The following EPB41L3 variants were observed in gnomAD, a reference collection of about 807,000 sequenced individuals.
EPB41L3 encodes band 4.1-like protein 3.
Under a neutral mutation model 127.1 loss-of-function variants are expected in EPB41L3, and 57 were observed. The ratio of observed to expected loss-of-function variants is 0.45; its 90% CI spans 0.36 to 0.56. EPB41L3 has a LOEUF of 0.56. Among genes scored for constraint, EPB41L3 ranks in the 20% least tolerant of loss-of-function variants. EPB41L3 has a pLI of 0.00. For missense variants in EPB41L3, 1,273 were observed against 1,372.2 expected, an observed-to-expected ratio of 0.93 and a Z score of 1.14; for synonymous variants, 572 against 549.5, an observed-to-expected ratio of 1.04 and a Z score of -0.57.
Position 5,479,045 on chromosome 18 carries a change from T to C in EPB41L3, c.184-607A>G, listed in dbSNP as rs78215016. Among the ~76,000 whole-genome samples the C allele has an allele frequency of 6.6e-3, 999 of 152,348 alleles. 11 individuals are homozygous for C. Among genetic ancestry groups the C allele is most frequent in the African/African-American group, 0.022 (917 of 41,574 alleles). ...GCTTCCCTTCACTGTAATGAACCAG[T>C]GTAAGAACATATCAAATCTGTCCAA... On this transcript the variant is annotated intron_variant, in intron 2 of 22. Coordinates refer to ENST00000341928, the MANE Select transcript of EPB41L3 (RefSeq NM_012307.5).
intron 19 of EPB41L3, 78 bp downstream of exon 19, chr18:5,396,123 G>A: frequency 1.3e-6 from 2 of 1,529,852 alleles, no homozygotes; most frequent in South Asian, 2.3e-5. Flanking sequence ...TAAATATCGT[G>A]CAGTTCTATG....
chr18:5,526,751 C>T (rs74364265), intron 1 of EPB41L3, among the ~76,000 whole-genome samples: 3,171 of 152,094 alleles, frequency 0.021, 63 homozygotes, highest in East Asian at 0.094. Context: ...ATGATGTTGC[C>T]AATAGAAAAC....
In EPB41L3 at chr18:5,433,797, C is replaced by T. The variant is rs540078451; in HGVS notation, c.824+106G>A. The T allele has an allele frequency of 2.8e-4, 348 of 1,254,276 alleles. 5 individuals carry two copies. The South Asian group carries it at 4.1e-3, about 15-fold the overall frequency. The allele number at this position is 1,254,276 out of a possible 1,614,324, so 77.7% of individuals were successfully genotyped here. On this transcript the variant is annotated intron_variant, in intron 7 of 22. Coordinates refer to ENST00000341928, the MANE Select transcript of EPB41L3 (RefSeq NM_012307.5). ...TGTGCATGGACCCACACTATGCTCACGTCTCGCCGTTAATGGACTGAAATC... is the reference window on the plus strand; with the variant it reads ...TGTGCATGGACCCACACTATGCTCATGTCTCGCCGTTAATGGACTGAAATC...
Position 5,394,771 on chromosome 18 carries a change from T to C in EPB41L3, c.3176A>G (p.Glu1059Gly). 6.2e-7 allele frequency: 1 copy of C among 1,614,176 alleles called. No homozygotes were observed. The highest frequency in any genetic ancestry group is 8.5e-7 in the Non-Finnish European group (1 of 1,180,030). Residue 1059 changes from glutamate to glycine, a missense_variant, in exon 22 of 23, where the codon GAG becomes GGG. Glu to Gly is a moderately conservative substitution (Grantham distance 98). Coordinates refer to ENST00000341928, the MANE Select transcript of EPB41L3 (RefSeq NM_012307.5). ...HDQALAQAIK[E>G]AKEQHPDMSV... ...CATGTCAGGGTGCTGCTCTTTGGCCTCTTTAATTGCCTGAGCCAGCGCCTA... is the reference window on the plus strand; with the variant it reads ...CATGTCAGGGTGCTGCTCTTTGGCCCCTTTAATTGCCTGAGCCAGCGCCTA...
chr18:5,612,946 G>A (rs1383920585), intron 2 of EPB41L3, among the ~76,000 whole-genome samples: 1 of 152,258 alleles, frequency 6.6e-6, no homozygotes, highest in East Asian at 1.9e-4. Context: ...TCACCATGTT[G>A]GCCAGGCTGG....
At chr18:5,562,611 T>C (rs1303741648) in intron 3 of EPB41L3, among the ~76,000 whole-genome samples, 1 of 152,196 alleles carries the variant, frequency 6.6e-6, no homozygotes, top group South Asian at 2.1e-4. Context: ...ATCTAAAGAA[T>C]GTAATAGTGC....
At chr18:5,628,624 C>G (rs1356060476) in intron 1 of EPB41L3, among the ~76,000 whole-genome samples, 1 of 152,254 alleles carries the variant, frequency 6.6e-6, no homozygotes, top group Non-Finnish European at 1.5e-5. Flanking sequence ...TCAGGCTTTT[C>G]TGGCGCAAAG....
chr18:5,488,911 G>T, intron 2 of EPB41L3, 90 bp downstream of exon 2: 1 of 1,391,320 alleles, frequency 7.2e-7, no homozygotes, highest in Non-Finnish European at 9.5e-7. Context: ...ACCCCTCATA[G>T]CTGCCTCTAG....
intron 1 of EPB41L3, among the ~76,000 whole-genome samples, chr18:5,628,350 A>T (rs544969352): frequency 6.6e-6 from 1 of 152,302 alleles, no homozygotes; most frequent in Admixed American, 6.5e-5. Flanking sequence ...AATCCATCGC[A>T]CTTCAGAGGG....
intron 16 of EPB41L3, among the ~76,000 whole-genome samples, chr18:5,404,491 T>C (rs1037828561): frequency 8.5e-5 from 13 of 152,234 alleles, no homozygotes; most frequent in African/African-American, 2.9e-4. Context: ...TTCTCCAGTT[T>C]TTCTGCACTA....
chr18:5,427,169 G>A (rs933557748), intron 9 of EPB41L3, among the ~76,000 whole-genome samples: 15 of 152,000 alleles, frequency 9.9e-5, no homozygotes, highest in African/African-American at 2.7e-4. Context: ...ATGCCCAGCC[G>A]ATATTCTGAT....
At chr18:5,423,318 A>G (rs1050396002) in intron 11 of EPB41L3, 60 bp downstream of exon 11, 1 of 1,458,880 alleles carries the variant, frequency 6.9e-7, no homozygotes, top group Non-Finnish European at 9.2e-7. Flanking sequence ...AGCTCATGAC[A>G]GTTTCACATT....
intron 1 of EPB41L3, among the ~76,000 whole-genome samples, chr18:5,626,717 G>T (rs1320536237): frequency 1.3e-5 from 2 of 152,180 alleles, no homozygotes; most frequent in African/African-American, 4.8e-5. Context: ...AGTGGACTGT[G>T]ACTTATCTCA....
intron 1 of EPB41L3, among the ~76,000 whole-genome samples, chr18:5,500,145 T>C (rs2091608116): frequency 6.6e-6 from 1 of 152,160 alleles, no homozygotes; most frequent in South Asian, 2.1e-4. Flanking sequence ...AGTCAGTACC[T>C]TTCAAGATAT....
chr18:5,395,045 T>G lies in EPB41L3; in HGVS notation c.3153+22A>C, dbSNP rs200752548. 3.0e-5 allele frequency: 49 copies of G among 1,610,356 alleles called. No individual in the cohort carries two copies. In the African/African-American group the frequency reaches 5.7e-4, roughly 19 times the overall value. On this transcript the variant is annotated intron_variant, in intron 21 of 22. Coordinates refer to ENST00000341928, the MANE Select transcript of EPB41L3 (RefSeq NM_012307.5). Reference sequence around the variant, plus strand: ...TTTTCTTTGTTTCTCTGCCAGGGTATTTACCGTCTCACACACACTACCTGG... The same window carrying G: ...TTTTCTTTGTTTCTCTGCCAGGGTAGTTACCGTCTCACACACACTACCTGG...
chr18:5,629,308 G>C (rs1234500862), upstream of EPB41L3, among the ~76,000 whole-genome samples: 1 of 151,896 alleles, frequency 6.6e-6, no homozygotes, highest in Admixed American at 6.6e-5. Flanking sequence ...GTGCAGCTGC[G>C]CGCAGCTGGC....
chr18:5,468,546 G>A (rs1439771374), intron 3 of EPB41L3, among the ~76,000 whole-genome samples: 3 of 152,208 alleles, frequency 2.0e-5, no homozygotes, highest in Non-Finnish European at 4.4e-5. Flanking sequence ...GCCCATGGCA[G>A]TCTCCTCTCC....
At chr18:5,561,097 C>A (rs996782219) in intron 3 of EPB41L3, among the ~76,000 whole-genome samples, 3 of 148,710 alleles carry the variant, frequency 2.0e-5, no homozygotes, top group Non-Finnish European at 3.0e-5. Flanking sequence ...CCTGCCTCAG[C>A]CTCCCGAGTA....
chr18:5,469,093 C>G (rs529398096), intron 3 of EPB41L3, among the ~76,000 whole-genome samples: 138 of 152,278 alleles, frequency 9.1e-4, no homozygotes, highest in Admixed American at 1.7e-3. Flanking sequence ...GCACATGGAA[C>G]AAGAACTCAG....
Sources: allele counts gnomAD v4.1 joint callset (sites outside exome capture counted in the v4.1 genomes callset), GRCh38; gene constraint gnomAD v4.1.1; transcripts MANE v1.5; gene names NCBI Gene and HGNC (gene_info 2026-07-23, HGNC 2026-07-21).